PER3: variants seen among roughly 807,000 people sequenced by gnomAD.
The protein encoded by PER3 is period circadian protein homolog 3.
PER3 carries 107 observed loss-of-function variants against 127.2 expected under a neutral mutation model. That is an observed-to-expected ratio of 0.84 (90% confidence interval 0.72 to 0.99). The LOEUF is 0.99. Among genes scored for constraint, PER3 ranks in the 50% least tolerant of loss-of-function variants. The pLI is 0.00. For synonymous variants in PER3, 618 were observed against 585.8 expected (o/e 1.05, Z -0.79); for missense variants, 1,560 against 1,525.8 (o/e 1.02, Z -0.37).
Position 7,826,564 on chromosome 1 carries a change from G to T in PER3, c.2042G>T (p.Gly681Val). Residue 681 changes from glycine (G) to valine (V), a missense_variant, in exon 17 of 22, where the codon GGG becomes GTG. Gly to Val is a moderately radical substitution (Grantham distance 109, BLOSUM62 -3). Transcript: ENST00000377532. The surrounding 1 kb of genome is among the most constrained non-coding windows in gnomAD (Gnocchi z 4.2). ...PLTSEEFKHV[G>V]LTAAVLSAHT... ...ACCTCGGAAGAATTTAAACACGTGG[G>T]GCTCACAGCGGCTGTTCTGTCAGCG... 6.2e-7 allele frequency: 1 copy of T among 1,613,562 alleles called. No individual in the cohort carries two copies. Among genetic ancestry groups the T allele is most frequent in the Non-Finnish European group, 8.5e-7 (1 of 1,179,546 alleles).
At chr1:7,817,776 G>C (rs1041803660) in intron 13 of PER3, among the ~76,000 whole-genome samples, 19 of 152,260 alleles carry the variant, frequency 1.2e-4, no homozygotes, top group Admixed American at 3.9e-4. Flanking sequence ...GATTATCAAG[G>C]AATGAAATAG....
intron 18 of PER3, among the ~76,000 whole-genome samples, chr1:7,828,329 C>T (rs2097312768): frequency 6.6e-6 from 1 of 152,170 alleles, no homozygotes; most frequent in South Asian, 2.1e-4. Flanking sequence ...CACACTTAAA[C>T]ATGTCATTTT....
Position 7,826,986 on chromosome 1 carries a change from G to A in PER3, c.2189-132G>A. On this transcript the variant is annotated intron_variant, in intron 17 of 21. Transcript: ENST00000377532. The surrounding 1 kb of genome is among the most constrained non-coding windows in gnomAD (Gnocchi z 4.2). ...CCGGAATTTTGTTCATCTTTTTAGA[G>A]CCACTTTTTGTCATTCTGGTAGTAT... 2 of 711,602 alleles carry A rather than the reference G, an allele frequency of 2.8e-6. No homozygotes were observed. Among genetic ancestry groups the A allele is most frequent in the East Asian group, 5.5e-5 (2 of 36,526 alleles). The allele number at this position is 711,602 out of a possible 1,614,324, so 44.1% of individuals were successfully genotyped here. A position where few individuals can be genotyped will look rare whatever the true frequency, so the allele number is the denominator to read the frequency against.
At chr1:7,820,427 G>A in intron 15 of PER3, 40 bp from the exon 16 acceptor site, 1 of 1,563,934 alleles carries the variant, frequency 6.4e-7, no homozygotes, top group South Asian at 1.2e-5. Flanking sequence ...TTCTCGTTGG[G>A]AATTTTTCTT....
At chr1:7,827,092 A>G in intron 17 of PER3, 26 bp from the exon 18 acceptor site, 1 of 1,521,054 alleles carries the variant, frequency 6.6e-7, no homozygotes, top group Non-Finnish European at 8.8e-7. Flanking sequence ...ATTTTCCATA[A>G]TTTGCCTCTA....
At chr1:7,809,364 TGTAAG>T (rs1289857170) in intron 11 of PER3, among the ~76,000 whole-genome samples, 1 of 152,180 alleles carries the variant, frequency 6.6e-6, no homozygotes, top group Non-Finnish European at 1.5e-5. Flanking sequence ...TCTTAACTAT[TGTAAG>T]GTAAAAGTGG....
intron 2 of PER3, 35 bp from the exon 3 acceptor site, chr1:7,785,406 A>C (rs1237693418): frequency 8.3e-6 from 13 of 1,573,696 alleles, no homozygotes; most frequent in African/African-American, 1.4e-5. Context: ...TGTTGTCTTC[A>C]GAGGATGAAG....
chr1:7,820,642 T>C lies in PER3; in HGVS notation c.1957+2T>C. 6.2e-7 allele frequency: 1 copy of C among 1,600,764 alleles called. No homozygotes were observed. Among genetic ancestry groups the C allele is most frequent in the East Asian group, 2.2e-5 (1 of 44,694 alleles). On this transcript the variant is annotated splice_donor_variant, in intron 16 of 21. Coordinates refer to ENST00000377532, the MANE Select transcript of PER3 (RefSeq NM_001377275.1). LOFTEE classifies it high-confidence loss of function. ...TCCATGTCCCACCCCCAGAGACAGGTACCACACTCGCCTCTTACTTTGAAA... is the reference window on the plus strand; with the variant it reads ...TCCATGTCCCACCCCCAGAGACAGGCACCACACTCGCCTCTTACTTTGAAA...
Position 7,784,886 on chromosome 1 carries a change from C to CG in PER3, c.13dup (p.Glu5GlyfsTer11). The CG allele has an allele frequency of 6.6e-7, 1 of 1,509,644 alleles. No individual in the cohort carries two copies. Among genetic ancestry groups the CG allele is most frequent in the Non-Finnish European group, 8.8e-7 (1 of 1,141,246 alleles). The allele number at this position is 1,509,644 out of a possible 1,614,324, so 93.5% of individuals were successfully genotyped here. A position where few individuals can be genotyped will look rare whatever the true frequency, so the allele number is the denominator to read the frequency against. Reference sequence around the variant, plus strand: ...CCCGCGGAGACCTCGAGATGCCCCGCGGGGAAGCTCCTGGCCCCGGGAGAC... The same window carrying CG: ...CCCGCGGAGACCTCGAGATGCCCCGCGGGGGAAGCTCCTGGCCCCGGGAGAC... On this transcript the variant is annotated frameshift_variant, in exon 2 of 22. Coordinates refer to ENST00000377532, the MANE Select transcript of PER3 (RefSeq NM_001377275.1). LOFTEE classifies it high-confidence loss of function.
rs576292591 is a variant in PER3, at chr1:7,841,697, A to G, written c.3550-975A>G. The stretch of plus-strand genomic sequence containing the variant: ...GCCATCTTCCCAGAATAATCTCCCC[A>G]TCTCCATTTTCAAAGAAAAGAATGA... On this transcript the variant is annotated intron_variant, in intron 21 of 21. Coordinates refer to ENST00000377532, the MANE Select transcript of PER3 (RefSeq NM_001377275.1). 6.6e-5 allele frequency among the ~76,000 whole-genome samples: 10 copies of G among 152,202 alleles called. No individual in the cohort carries two copies. The East Asian group carries it at 1.9e-3, about 29-fold the overall frequency.
intron 13 of PER3, among the ~76,000 whole-genome samples, chr1:7,818,276 C>G (rs888323592): frequency 6.6e-6 from 1 of 152,154 alleles, no homozygotes; most frequent in African/African-American, 2.4e-5. Flanking sequence ...TATAGGAACT[C>G]TATTGTACTA....
At chr1:7,819,070 T>G (rs228688) in intron 13 of PER3, among the ~76,000 whole-genome samples, 89,002 of 152,178 alleles carry the variant, frequency 0.58, 26,780 homozygotes, top group Middle Eastern at 0.73. Context: ...GTAGCCATTC[T>G]ATGTGTAATG....
chr1:7,841,987 A>C (rs959649207), intron 21 of PER3, among the ~76,000 whole-genome samples: 1 of 152,186 alleles, frequency 6.6e-6, no homozygotes, highest in Admixed American at 6.5e-5. Flanking sequence ...CCTATGGGAC[A>C]GCCTTTTGAT....
chr1:7,828,772 T>C (rs933321203), intron 18 of PER3, among the ~76,000 whole-genome samples: 4 of 152,168 alleles, frequency 2.6e-5, no homozygotes, highest in Non-Finnish European at 5.9e-5. Flanking sequence ...GAAAGATGAA[T>C]CCCTCATAGC....
intron 16 of PER3, among the ~76,000 whole-genome samples, chr1:7,825,761 C>G (rs1392131343): frequency 2.0e-5 from 3 of 152,062 alleles, no homozygotes; most frequent in African/African-American, 4.8e-5. Context: ...TGTGGTGGCA[C>G]ATGCCTGTAA....
chr1:7,833,832 C>G (rs1014182130), intron 19 of PER3, among the ~76,000 whole-genome samples: 1 of 152,050 alleles, frequency 6.6e-6, no homozygotes, highest in Admixed American at 6.5e-5. Flanking sequence ...TCCTCCTACC[C>G]TCCTCCTTTC....
chr1:7,836,813 TC>T, intron 20 of PER3, 185 bp from the exon 21 acceptor site: 1 of 488,402 alleles, frequency 2.0e-6, no homozygotes, highest in East Asian at 3.1e-5. Context: ...ATAGATATTT[TC>T]CACCAAGAAA....
intron 7 of PER3, among the ~76,000 whole-genome samples, chr1:7,800,333 G>A (rs1471175195): frequency 2.0e-5 from 3 of 150,864 alleles, no homozygotes; most frequent in Non-Finnish European, 4.4e-5. Flanking sequence ...TCAGCCTCCC[G>A]AGTACCTGGG....
chr1:7,800,598 C>T (rs945379827), intron 7 of PER3, among the ~76,000 whole-genome samples: 5 of 151,962 alleles, frequency 3.3e-5, no homozygotes, highest in East Asian at 1.9e-4. Flanking sequence ...GTAGTATTTT[C>T]GTTTGTTTAG....
Sources: gnomAD v4.1 joint callset for allele counts (sites outside exome capture counted in the v4.1 genomes callset) on GRCh38, gnomAD v4.1.1 for gene constraint, Gnocchi (gnomAD v3.1) non-coding constraint, MANE v1.5 for transcripts, NCBI Gene and HGNC (gene_info 2026-07-23, HGNC 2026-07-21) for gene names.